Variants in PSG6 observed in about 807,000 individuals in gnomAD.
PSG6 encodes pregnancy-specific beta-1-glycoprotein 6.
A neutral mutation model predicts 43.3 loss-of-function variants in PSG6; 51 were observed. The observed-to-expected ratio is 1.18, with a 90% confidence interval of 0.94 to 1.49. The LOEUF (loss-of-function observed/expected upper bound fraction) is 1.49. PSG6 is among the 40% of genes most tolerant of loss of function. The probability of loss-of-function intolerance (pLI) is 0.00; values close to 1 mark genes in which losing one functional copy is unlikely to be tolerated. For missense variants in PSG6, 770 were observed against 522.2 expected (o/e 1.47, Z -4.62); for synonymous variants, 292 against 197.6 (o/e 1.48, Z -4.01).
intron 2 of PSG6, among the ~76,000 whole-genome samples, chr19:42,912,745 G>A (rs1972251078): frequency 1.3e-5 from 2 of 151,662 alleles, no homozygotes; most frequent in South Asian, 2.1e-4. Context: ...TGTGAATTAG[G>A]AAGAGTCTAA....
Position 42,902,582 on chromosome 19 carries a change from G to A in PSG6, c.1241-136C>T, listed in dbSNP as rs184181274. Reference sequence around the variant, plus strand: ...CCGAGGCTCTCTTTAACTCCAATGGGTGACTGGTTGGAGGATTCCTCATCA... The same window carrying A: ...CCGAGGCTCTCTTTAACTCCAATGGATGACTGGTTGGAGGATTCCTCATCA... On this transcript the variant is annotated intron_variant, in intron 5 of 5. Transcript: ENST00000187910. 1.7e-4 allele frequency: 212 copies of A among 1,234,864 alleles called. 1 individual carries two copies. The highest frequency in any genetic ancestry group is 1.5e-3 in the Admixed American group (67 of 45,450). The allele number at this position is 1,234,864 out of a possible 1,614,324, so 76.5% of individuals were successfully genotyped here. A position where few individuals can be genotyped will look rare whatever the true frequency, so the allele number is the denominator to read the frequency against.
At chr19:42,914,142 T>A (rs550723495) in intron 2 of PSG6, among the ~76,000 whole-genome samples, 1 of 151,568 alleles carries the variant, frequency 6.6e-6, no homozygotes, top group Non-Finnish European at 1.5e-5. Flanking sequence ...TGTCCACAGG[T>A]CAGCCTCACA....
chr19:42,915,921 C>T (rs1371882793), intron 2 of PSG6: 1 of 774,976 alleles, frequency 1.3e-6, no homozygotes, highest in Admixed American at 2.9e-5. Context: ...CAGCGAGTGT[C>T]TGCAGGGTCT....
intron 5 of PSG6, among the ~76,000 whole-genome samples, chr19:42,905,513 G>T (rs1972097390): frequency 6.6e-6 from 1 of 151,582 alleles, no homozygotes; most frequent in African/African-American, 2.4e-5. Flanking sequence ...AAGTAGTGTG[G>T]CTGTTTTTCA....
At chr19:42,915,013 C>T (rs1972298339) in intron 2 of PSG6, among the ~76,000 whole-genome samples, 1 of 151,584 alleles carries the variant, frequency 6.6e-6, no homozygotes, top group Non-Finnish European at 1.5e-5. Flanking sequence ...TTTGCTCTCA[C>T]TCCTCTGAGG....
intron 5 of PSG6, chr19:42,906,494 C>A: frequency 8.1e-7 from 1 of 1,229,344 alleles, no homozygotes; most frequent in African/African-American, 1.5e-5. Flanking sequence ...GGGCTTCCTC[C>A]TCTCATTTGG....
rs766733288 is a variant in PSG6, at chr19:42,916,409, C to G, written c.143G>C (p.Gly48Ala). The G allele has an allele frequency of 6.2e-7, 1 of 1,611,914 alleles. No homozygotes were observed. ...IEAKPPKVSE[G>A]KDVLLLVHNL... The stretch of plus-strand genomic sequence containing the variant: ...GTGGACAAGTAGAAGAACATCCTTC[C>G]CCTCGGAAACTTTGGGTGGCTTGGC... The change falls in exon 2 of 6, where the codon GGG becomes GCG. Residue 48 changes from glycine (G) to alanine (A), a missense_variant. Physicochemically the swap from Gly to Ala is moderately conservative, Grantham distance 60. Coordinates refer to ENST00000187910, the MANE Select transcript of PSG6 (RefSeq NM_001031850.4).
rs142296379 is a variant in PSG6, at chr19:42,907,036, G to T, written c.1126C>A (p.Gln376Lys). ...TINGKFQLSG[Q>K]KLFIPQITTN... Reference sequence around the variant, plus strand: ...GTAATTTGGGGGATAAAGAGCTTTTGTCCTGATAGCTGAAACTTCCCATTA... The same window carrying T: ...GTAATTTGGGGGATAAAGAGCTTTTTTCCTGATAGCTGAAACTTCCCATTA... Residue 376 changes from glutamine to lysine, a missense_variant, in exon 5 of 6, where the codon CAA becomes AAA. By Grantham distance (53) the Gln-to-Lys change is moderately conservative. Transcript: ENST00000187910. 1 of 1,612,624 alleles carries T rather than the reference G, an allele frequency of 6.2e-7. No individual in the cohort carries two copies. The highest frequency in any genetic ancestry group is 8.5e-7 in the Non-Finnish European group (1 of 1,179,196).
intron 5 of PSG6, among the ~76,000 whole-genome samples, chr19:42,903,446 G>A (rs970028405): frequency 9.9e-5 from 15 of 151,314 alleles, no homozygotes; most frequent in African/African-American, 3.4e-4. Flanking sequence ...TAAGTATTAG[G>A]GTGGATATAA....
At chr19:42,914,043 T>C (rs1196966386) in intron 2 of PSG6, among the ~76,000 whole-genome samples, 1 of 151,682 alleles carries the variant, frequency 6.6e-6, no homozygotes, top group Non-Finnish European at 1.5e-5. Flanking sequence ...TATTTTATTT[T>C]ATATTTTTTT....
chr19:42,903,872 T>C (rs544039109), intron 5 of PSG6, among the ~76,000 whole-genome samples: 2 of 151,358 alleles, frequency 1.3e-5, no homozygotes, highest in South Asian at 4.2e-4. Flanking sequence ...CATCCTAGGG[T>C]GGCCTACAGA....
rs762756296 is a variant in PSG6 at position 42,910,619 on chromosome 19, T to C, written c.667A>G (p.Ser223Gly). The C allele has an allele frequency of 3.1e-6, 5 of 1,612,374 alleles. No homozygotes were observed. The African/African-American group carries it at 6.7e-5, about 22-fold the overall frequency. ...GTGACTGGGTCACTGCGGCTGGCAC[T>C]CACTGGGTTCCGTATTTCACATTCA... ...PYECEIRNPV[S>G]ASRSDPVTLN... The change falls in exon 3 of 6, where the codon AGT becomes GGT. Residue 223 changes from serine (S) to glycine (G), a missense_variant. Transcript: ENST00000187910.
Position 42,907,664 on chromosome 19 carries a change from G to A in PSG6, c.897C>T (p.Val299=), listed in dbSNP as rs1409385239. The A allele has an allele frequency of 4.3e-6, 7 of 1,611,100 alleles. No homozygotes were observed. In the Admixed American group the frequency reaches 8.4e-5, roughly 19 times the overall value. The change falls in exon 4 of 6, where the codon GTC becomes GTT. Residue 299 remains valine, a synonymous_variant. Transcript: ENST00000187910. The part of the protein sequence containing the change: ...IENRILILPS[V]TRNETGPYQC... ...GATAGGGTCCTGTTTCATTTCTCGT[G>A]ACACTGGGTAGAATGAGTATCCTGT...
At position 42,903,895 on chromosome 19, in the gene PSG6, C is replaced by T. The variant is rs116434643; in HGVS notation, c.1241-1449G>A. ...GGTGGCCTACAGAGTGAGAGCCTGT[C>T]TCTCTGTCTTAAAAGAAAAAGAAAA... On this transcript the variant is annotated intron_variant, in intron 5 of 5. Transcript: ENST00000187910. Among the ~76,000 whole-genome samples the T allele has an allele frequency of 3.5e-3, 530 of 151,510 alleles. 10 individuals carry two copies. Among genetic ancestry groups the T allele is most frequent in the Middle Eastern group, 0.028 (8 of 290 alleles).
chr19:42,917,069 C>T (rs953241765), intron 1 of PSG6, among the ~76,000 whole-genome samples: 18 of 133,514 alleles, frequency 1.3e-4, no homozygotes, highest in African/African-American at 5.1e-4. Flanking sequence ...CCTCCATGCC[C>T]TGGGTGTTTT....
At chr19:42,911,461 T>G in intron 2 of PSG6, among the ~76,000 whole-genome samples, 1 of 151,428 alleles carries the variant, frequency 6.6e-6, no homozygotes, top group African/African-American at 2.4e-5. Context: ...TTTCCAGGTG[T>G]CTCATAGTGA....
chr19:42,916,549 GC>G, intron 1 of PSG6, 62 bp from the exon 2 acceptor site: 1 of 1,556,690 alleles, frequency 6.4e-7, no homozygotes, highest in Non-Finnish European at 8.7e-7. Flanking sequence ...AAAAGATGGG[GC>G]CCTGTGTCCT....
chr19:42,910,583 G>A lies in PSG6; in HGVS notation c.703C>T (p.Leu235Phe). 1 of 1,612,548 alleles carries A rather than the reference G, an allele frequency of 6.2e-7. No homozygotes were observed. The highest frequency in any genetic ancestry group is 8.5e-7 in the Non-Finnish European group (1 of 1,179,286). ...CAGAGGAACAGAAGATACTCACGGAGGAGATTCAGGGTGACTGGGTCACTG... is the reference window on the plus strand; with the variant it reads ...CAGAGGAACAGAAGATACTCACGGAAGAGATTCAGGGTGACTGGGTCACTG... Reference protein sequence around the residue: ...SRSDPVTLNLLPKLPMPYITI... With the variant: ...SRSDPVTLNLFPKLPMPYITI... The change falls in exon 3 of 6, where the codon CTC becomes TTC. Residue 235 changes from leucine to phenylalanine, a missense_variant. Transcript: ENST00000187910.
intron 1 of PSG6, among the ~76,000 whole-genome samples, chr19:42,917,116 G>C (rs1283616919): frequency 6.6e-6 from 1 of 151,228 alleles, no homozygotes; most frequent in Non-Finnish European, 1.5e-5. Flanking sequence ...GCTGAGGAAA[G>C]TGTTTCATGC....
Sources: allele counts gnomAD v4.1 joint callset (sites outside exome capture counted in the v4.1 genomes callset), GRCh38; gene constraint gnomAD v4.1.1; transcripts MANE v1.5; gene names NCBI Gene and HGNC (gene_info 2026-07-23, HGNC 2026-07-21).